NOX1: variants seen among roughly 807,000 people sequenced by gnomAD.
The protein encoded by NOX1 is NADH/NADPH mitogenic oxidase subunit P65-MOX.
Under a neutral mutation model 42.5 loss-of-function variants are expected in NOX1, and 34 were observed. That is an observed-to-expected ratio of 0.80 (90% confidence interval 0.61 to 1.07). NOX1 has a LOEUF of 1.07. Ranked by LOEUF, NOX1 falls within the 50% of genes least tolerant of loss-of-function variation. NOX1 has a pLI of 0.00. For missense variants in NOX1, 408 were observed against 427.0 expected (o/e 0.96, Z 0.39); for synonymous variants, 143 against 152.5 (o/e 0.94, Z 0.46).
Position 100,843,567 on chromosome X carries a change from G to A in NOX1, c.*385C>T, listed in dbSNP as rs1438237875. 5 of 825,619 alleles carry A rather than the reference G, an allele frequency of 6.1e-6. No homozygotes were observed. Among genetic ancestry groups the A allele is most frequent in the Admixed American group, 5.2e-5 (1 of 19,117 alleles). The allele number at this position is 825,619 out of a possible 1,213,427, so 68.0% of individuals were successfully genotyped here. A position where few individuals can be genotyped will look rare whatever the true frequency, so the allele number is the denominator to read the frequency against. On this transcript the variant is annotated 3_prime_UTR_variant, in exon 13 of 13. Transcript: ENST00000372966. ...TAGAAATCTTCTGTGGGGGTGGGAGGGACAAAAGATTACAAACCAAAACTC... is the reference window on the plus strand; with the variant it reads ...TAGAAATCTTCTGTGGGGGTGGGAGAGACAAAAGATTACAAACCAAAACTC...
chrX:100,849,718 G>A, intron 10 of NOX1, 54 bp downstream of exon 10: 1 of 1,106,367 alleles, frequency 9.0e-7, no homozygotes, highest in Non-Finnish European at 1.2e-6. Flanking sequence ...AGCCCAAGAA[G>A]GCAATAGACT....
At chrX:100,848,845 G>A in intron 11 of NOX1, 91 bp from the exon 12 acceptor site, 6 of 952,571 alleles carry the variant, frequency 6.3e-6, no homozygotes, top group Admixed American at 2.5e-5. Context: ...GGAGGCCGAG[G>A]TGGGTGGATC....
Position 100,874,162 on chromosome X carries a change from C to T in NOX1, c.-23G>A, listed in dbSNP as rs2085293438. On this transcript the variant is annotated 5_prime_UTR_variant, in exon 1 of 13. Coordinates refer to ENST00000372966, the MANE Select transcript of NOX1 (RefSeq NM_007052.5). ...CATTGTCAAGAGGTGGTTTGGAGCC[C>T]TTCTAGGCAACAGGGAAGATTCAGC... 1 of 1,149,150 alleles carries T rather than the reference C, an allele frequency of 8.7e-7. No homozygotes were observed. The highest frequency in any genetic ancestry group is 1.2e-6 in the Non-Finnish European group (1 of 843,410). 94.7% of individuals were successfully genotyped at this position (1,149,150 alleles called of 1,213,427 possible).
intron 7 of NOX1, among the ~76,000 whole-genome samples, chrX:100,853,274 CT>C (rs1318444108): frequency 5.8e-5 from 3 of 52,006 alleles, no homozygotes; most frequent in East Asian, 4.3e-4. Context: ...TTCTTTCTTT[CT>C]TTCTTTCTTT....
chrX:100,866,365 T>C (rs2085237548), intron 2 of NOX1, among the ~76,000 whole-genome samples: 1 of 111,454 alleles, frequency 9.0e-6, no homozygotes, highest in Admixed American at 9.6e-5. Context: ...CATAGAACTG[T>C]ATACCAAAAA....
rs1569445517 is a variant in NOX1 at position 100,853,276 on chromosome X, T to TTCTTTCTTTCTTTCTCTCTCTTTC, written c.805-1952_805-1951insGAAAGAGAGAGAAAGAAAGAAAGA. On this transcript the variant is annotated intron_variant, in intron 7 of 12. Transcript: ENST00000372966. The stretch of plus-strand genomic sequence containing the variant: ...TTCCTTCCTTCCTTTCTTTCTTTCT[T>TTCTTTCTTTCTTTCTCTCTCTTTC]TCTTTCTTTCTTTCTTTCTTTCTTT... Among the ~76,000 whole-genome samples the TTCTTTCTTTCTTTCTCTCTCTTTC allele has an allele frequency of 1.0e-3, 68 of 66,360 alleles. 3 individuals carry two copies. Among genetic ancestry groups the TTCTTTCTTTCTTTCTCTCTCTTTC allele is most frequent in the African/African-American group, 4.3e-3 (67 of 15,683 alleles). The allele number at this position is 66,360 out of a possible 115,157, so 57.6% of individuals were successfully genotyped here.
At chrX:100,869,333 T>A (rs1293822559) in intron 2 of NOX1, among the ~76,000 whole-genome samples, 35 of 110,260 alleles carry the variant, frequency 3.2e-4, no homozygotes, top group Non-Finnish European at 4.7e-4. Context: ...CTCTTTTATT[T>A]CCTTGAGCAG....
chrX:100,874,323 C>G lies in NOX1; in HGVS notation c.-184G>C. On this transcript the variant is annotated 5_prime_UTR_variant, in exon 1 of 13. Coordinates refer to ENST00000372966, the MANE Select transcript of NOX1 (RefSeq NM_007052.5). ...AATAAGTTTATTCTGCCTTCCTTCT[C>G]TGGACAGAACTGTGCTATCAGCTTA... The G allele has an allele frequency of 2.4e-6, 1 of 415,128 alleles. No individual in the cohort carries two copies. The highest frequency in any genetic ancestry group is 5.7e-5 in the South Asian group (1 of 17,636). 34.2% of individuals were successfully genotyped at this position (415,128 alleles called of 1,213,427 possible).
In NOX1 at chrX:100,863,221, T is replaced by C; in HGVS notation, c.275A>G (p.Lys92Arg). ...TCSFCSRTLRKQLDHNLTFHK... is the reference protein window; with the variant it reads ...TCSFCSRTLRRQLDHNLTFHK... Reference sequence around the variant, plus strand: ...GAAGGTGAGGTTGTGATCCAATTGCTTTCTCAGTGTGCGGCTGCAAAACTA... The same window carrying C: ...GAAGGTGAGGTTGTGATCCAATTGCCTTCTCAGTGTGCGGCTGCAAAACTA... The change falls in exon 4 of 13, where the codon AAG becomes AGG. Residue 92 changes from lysine to arginine, a missense_variant. Physicochemically the swap from Lys to Arg is conservative, Grantham distance 26. Transcript: ENST00000372966. The C allele has an allele frequency of 8.3e-7, 1 of 1,205,359 alleles. No individual in the cohort carries two copies. Among genetic ancestry groups the C allele is most frequent in the Non-Finnish European group, 1.1e-6 (1 of 889,732 alleles).
chrX:100,848,160 C>T (rs1413607649), intron 12 of NOX1, among the ~76,000 whole-genome samples: 3 of 111,748 alleles, frequency 2.7e-5, no homozygotes, highest in Admixed American at 9.5e-5. Flanking sequence ...TTTTCTAAAA[C>T]CCCAGATGAA....
intron 7 of NOX1, among the ~76,000 whole-genome samples, chrX:100,859,675 T>C (rs761819399): frequency 2.3e-3 from 253 of 109,558 alleles, no homozygotes; most frequent in African/African-American, 7.9e-3. Context: ...CGAGGTTGTA[T>C]GTGTCCAGGA....
chrX:100,849,971 T>A, intron 9 of NOX1, 37 bp from the exon 10 acceptor site: 1 of 1,151,797 alleles, frequency 8.7e-7, no homozygotes. Flanking sequence ...AACTGAAGAC[T>A]CCCCTCCACC....
chrX:100,850,838 GTTC>G (rs1352177577), intron 8 of NOX1, among the ~76,000 whole-genome samples: 18 of 109,678 alleles, frequency 1.6e-4, no homozygotes, highest in East Asian at 8.6e-4. Context: ...CCAAACCCAA[GTTC>G]TTCTTCTTTT....
chrX:100,852,925 A>T (rs767904370), intron 7 of NOX1, among the ~76,000 whole-genome samples: 20 of 112,558 alleles, frequency 1.8e-4, no homozygotes, highest in Admixed American at 1.5e-3. Flanking sequence ...AATGCCCAGC[A>T]TTAACTGGGA....
intron 12 of NOX1, among the ~76,000 whole-genome samples, chrX:100,845,621 T>G (rs903848183): frequency 1.2e-4 from 11 of 94,346 alleles, no homozygotes; most frequent in Admixed American, 4.7e-4. Context: ...GTTTTTTTTT[T>G]TTTTTTTTTT....
At chrX:100,870,650 C>A (rs764368787) in intron 2 of NOX1, 69 bp downstream of exon 2, 324 of 743,609 alleles carry the variant, frequency 4.4e-4, no homozygotes, top group South Asian at 4.5e-4. Context: ...GGCATTGGGT[C>A]ACAAAGAAGC....
chrX:100,874,107 T>G lies in NOX1; in HGVS notation c.33A>C (p.Ser11=). MGNWVVNHWF[S]VLFLVVWLGL... ...AAACATCACTTACCAGAAACAAAACTGAAAACCAGTGGTTAACCACCCAGT... is the reference window on the plus strand; with the variant it reads ...AAACATCACTTACCAGAAACAAAACGGAAAACCAGTGGTTAACCACCCAGT... The change falls in exon 1 of 13, where the codon TCA becomes TCC. Residue 11 remains serine (S), a synonymous_variant. Transcript: ENST00000372966. 2 of 1,201,663 alleles carry G rather than the reference T, an allele frequency of 1.7e-6. No individual in the cohort carries two copies. Among genetic ancestry groups the G allele is most frequent in the Non-Finnish European group, 2.3e-6 (2 of 888,227 alleles).
At chrX:100,850,470 G>A in intron 8 of NOX1, 84 bp from the exon 9 acceptor site, 2 of 608,133 alleles carry the variant, frequency 3.3e-6, no homozygotes, top group Non-Finnish European at 5.1e-6. Context: ...TGAAGCTGGA[G>A]GGCTGGTGAC....
chrX:100,853,326 C>CTTTCTTT (rs1440649806), intron 7 of NOX1, among the ~76,000 whole-genome samples: 3 of 21,233 alleles, frequency 1.4e-4, no homozygotes, highest in African/African-American at 1.1e-3. Flanking sequence ...TTCTTTCTCT[C>CTTTCTTT]TCTTTCTCTT....
Sources: gnomAD v4.1 joint callset for allele counts (sites outside exome capture counted in the v4.1 genomes callset) on GRCh38, gnomAD v4.1.1 for gene constraint, MANE v1.5 for transcripts, NCBI Gene and HGNC (gene_info 2026-07-23, HGNC 2026-07-21) for gene names.